CAPZB: variants seen among roughly 807,000 people sequenced by gnomAD.
The protein encoded by CAPZB is F-actin-capping protein subunit beta.
CAPZB carries 2 observed loss-of-function variants against 38.1 expected under a neutral mutation model. The observed-to-expected ratio is 0.05, with a 90% CI of 0.02 to 0.17. The LOEUF is 0.17. Ranked by LOEUF, CAPZB falls within the 10% of genes least tolerant of loss-of-function variation. CAPZB has a pLI of 1.00. For synonymous variants in CAPZB, 107 were observed against 127.4 expected, an observed-to-expected ratio of 0.84 and a Z score of 1.08; for missense variants, 161 against 334.2, an observed-to-expected ratio of 0.48 and a Z score of 4.04.
intron 1 of CAPZB, among the ~76,000 whole-genome samples, chr1:19,467,410 TGAG>T (rs1384994424): frequency 6.6e-6 from 1 of 152,130 alleles, no homozygotes; most frequent in African/African-American, 2.4e-5. Flanking sequence ...GCTCTTGCGC[TGAG>T]GAGTGAGGCC....
At position 19,437,876 on chromosome 1, in the gene CAPZB, G is replaced by A. The variant is rs369594138; in HGVS notation, c.4-18126C>T. Among the ~76,000 whole-genome samples the A allele has an allele frequency of 3.0e-4, 46 of 152,254 alleles. 2 individuals are homozygous for A. The highest frequency in any genetic ancestry group is 1.0e-3 in the African/African-American group (43 of 41,556). On this transcript the variant is annotated intron_variant, in intron 1 of 8. Coordinates refer to ENST00000264202, the MANE Select transcript of CAPZB (RefSeq NM_004930.5). ...TGTGACCAAAACTAATAGAAGGCTC[G>A]GGAGGAGAGCTCGGAAAAGCAGAGG...
chr1:19,478,372 C>T (rs185158288), intron 1 of CAPZB, among the ~76,000 whole-genome samples: 19 of 152,352 alleles, frequency 1.2e-4, no homozygotes, highest in Non-Finnish European at 2.2e-4. Flanking sequence ...ACGTGCCAGG[C>T]ATCGTCTACA....
chr1:19,398,457 A>G (rs1379002163), intron 2 of CAPZB, among the ~76,000 whole-genome samples: 1 of 152,172 alleles, frequency 6.6e-6, no homozygotes, highest in Non-Finnish European at 1.5e-5. Context: ...ATGACCTACC[A>G]TGATTCCAGT....
intron 4 of CAPZB, among the ~76,000 whole-genome samples, chr1:19,369,666 G>A (rs1433377351): frequency 6.6e-6 from 1 of 152,210 alleles, no homozygotes; most frequent in Admixed American, 6.5e-5. Context: ...TGCCCGTCAC[G>A]GGATCCCTCT....
intron 3 of CAPZB, among the ~76,000 whole-genome samples, chr1:19,379,101 T>C (rs1558202493): frequency 3.7e-5 from 1 of 27,130 alleles, no homozygotes; most frequent in Non-Finnish European, 9.7e-5. Context: ...TTTTTCTTTC[T>C]TTTTTTTTTT....
intron 1 of CAPZB, among the ~76,000 whole-genome samples, chr1:19,476,709 T>C (rs2094608061): frequency 6.6e-6 from 1 of 152,220 alleles, no homozygotes; most frequent in Admixed American, 6.5e-5. Context: ...TATCTCGCCC[T>C]TTCAGCTGAG....
At chr1:19,449,458 G>C in intron 1 of CAPZB, 1 of 401,284 alleles carries the variant, frequency 2.5e-6, no homozygotes. Flanking sequence ...CAGTGGAACA[G>C]TACGAAACAG....
chr1:19,484,540 G>T, intron 1 of CAPZB: 1 of 1,304,232 alleles, frequency 7.7e-7, no homozygotes, highest in Non-Finnish European at 9.9e-7. Context: ...TCCCTCGCTG[G>T]CTCCTAGGCG....
intron 1 of CAPZB, among the ~76,000 whole-genome samples, chr1:19,440,546 T>G (rs1431211311): frequency 6.6e-6 from 1 of 152,194 alleles, no homozygotes; most frequent in Non-Finnish European, 1.5e-5. Flanking sequence ...TGGCAACCAC[T>G]AGATTCAAAG....
chr1:19,428,600 T>C (rs1327555093), intron 1 of CAPZB, among the ~76,000 whole-genome samples: 1 of 152,212 alleles, frequency 6.6e-6, no homozygotes, highest in Non-Finnish European at 1.5e-5. Context: ...AGATCTGGAC[T>C]GACATCTCAA....
chr1:19,444,342 G>C (rs190128788), intron 1 of CAPZB, among the ~76,000 whole-genome samples: 1 of 152,208 alleles, frequency 6.6e-6, no homozygotes, highest in African/African-American at 2.4e-5. Context: ...CAGACACCCA[G>C]CTGCCACCTC....
At chr1:19,484,278 A>C in intron 1 of CAPZB, 1 of 1,611,576 alleles carries the variant, frequency 6.2e-7, no homozygotes, top group Non-Finnish European at 8.5e-7. Flanking sequence ...GCTTGGGTGC[A>C]TCGTGTCCAG....
chr1:19,417,760 C>T (rs1441332042), intron 2 of CAPZB, among the ~76,000 whole-genome samples: 10 of 152,152 alleles, frequency 6.6e-5, no homozygotes, highest in Admixed American at 5.9e-4. Context: ...CCGACCGCCC[C>T]CAGCTCACAT....
At chr1:19,410,022 A>G (rs1387887992) in intron 2 of CAPZB, among the ~76,000 whole-genome samples, 1 of 152,242 alleles carries the variant, frequency 6.6e-6, no homozygotes. Flanking sequence ...GTTTCAACAC[A>G]TTTATTGAAC....
At chr1:19,365,512 T>C (rs1370711479) in intron 4 of CAPZB, among the ~76,000 whole-genome samples, 1 of 152,128 alleles carries the variant, frequency 6.6e-6, no homozygotes, top group Non-Finnish European at 1.5e-5. Context: ...GTCTGGGCAC[T>C]TTTTTCATGT....
chr1:19,450,633 G>T (rs1251250989), intron 1 of CAPZB, among the ~76,000 whole-genome samples: 1 of 141,282 alleles, frequency 7.1e-6, no homozygotes, highest in East Asian at 2.1e-4. Context: ...ATAAGTGGCA[G>T]AGCTGGAAGC....
At position 19,339,597 on chromosome 1, in the gene CAPZB, T is replaced by C. The variant is rs759056176; in HGVS notation, c.752A>G (p.Asp251Gly). The change falls in exon 9 of 9, where the codon GAC becomes GGC. Residue 251 changes from aspartate (D) to glycine (G), a missense_variant. By Grantham distance (94) the Asp-to-Gly change is moderately conservative. Coordinates refer to ENST00000264202, the MANE Select transcript of CAPZB (RefSeq NM_004930.5). The part of the protein sequence containing the change: ...NGLRSVQTFA[D>G]KSKQEALKND... Reference sequence around the variant, plus strand: ...CTTCAGAGCTTCTTGTTTTGATTTGTCTGCAAAAGTCTGCACAGACCTGCA... The same window carrying C: ...CTTCAGAGCTTCTTGTTTTGATTTGCCTGCAAAAGTCTGCACAGACCTGCA... The C allele has an allele frequency of 1.2e-6, 2 of 1,613,852 alleles. No homozygotes were observed. Among genetic ancestry groups the C allele is most frequent in the Non-Finnish European group, 1.7e-6 (2 of 1,179,678 alleles).
At chr1:19,476,346 G>T (rs2094607012) in intron 1 of CAPZB, among the ~76,000 whole-genome samples, 1 of 152,066 alleles carries the variant, frequency 6.6e-6, no homozygotes, top group Non-Finnish European at 1.5e-5. Context: ...AGCCGAGGAG[G>T]CTGAGGCTAC....
chr1:19,382,379 CAA>C (rs1461243067), intron 3 of CAPZB, among the ~76,000 whole-genome samples: 1 of 152,126 alleles, frequency 6.6e-6, no homozygotes, highest in Non-Finnish European at 1.5e-5. Flanking sequence ...GCCTAGATTT[CAA>C]AAGTCAGGAC....
Sources: gnomAD v4.1 joint callset for allele counts (sites outside exome capture counted in the v4.1 genomes callset) on GRCh38, gnomAD v4.1.1 for gene constraint, MANE v1.5 for transcripts, NCBI Gene and HGNC (gene_info 2026-07-23, HGNC 2026-07-21) for gene names.